RCBTB1: variants seen among roughly 807,000 people sequenced by gnomAD.
RCBTB1 encodes the protein RCC1 and BTB domain containing protein 1.
A neutral mutation model predicts 62.4 loss-of-function variants in RCBTB1; 46 were observed. The ratio of observed to expected loss-of-function variants is 0.74; its 90% CI spans 0.58 to 0.94. The LOEUF (loss-of-function observed/expected upper bound fraction) is 0.94, where lower values mean the gene tolerates loss of function less well. Among genes scored for constraint, RCBTB1 ranks in the 40% least tolerant of loss-of-function variants. The probability of loss-of-function intolerance (pLI) is 0.00; values close to 1 mark genes in which losing one functional copy is unlikely to be tolerated. For missense variants in RCBTB1, 565 were observed against 654.9 expected, an observed-to-expected ratio of 0.86 and a Z score of 1.50; for synonymous variants, 222 against 245.8, an observed-to-expected ratio of 0.90 and a Z score of 0.91.
chr13:49,534,657 CAGAGA>C (rs1045542441), intron 12 of RCBTB1, among the ~76,000 whole-genome samples: 4 of 152,112 alleles, frequency 2.6e-5, no homozygotes, highest in Non-Finnish European at 4.4e-5. Context: ...TTCAAGACAT[CAGAGA>C]AAAGAATTAA....
At chr13:49,567,019 T>C (rs577226561) in intron 3 of RCBTB1, 135 bp downstream of exon 3, 1 of 833,514 alleles carries the variant, frequency 1.2e-6, no homozygotes, top group African/African-American at 1.7e-5. Flanking sequence ...AGAGAAACTA[T>C]CAAAGCCATA....
chr13:49,537,407 A>C (rs1292458520), intron 12 of RCBTB1, among the ~76,000 whole-genome samples: 4 of 152,242 alleles, frequency 2.6e-5, no homozygotes, highest in Non-Finnish European at 4.4e-5. Context: ...TGCTGATCAA[A>C]GACTTTTCAT....
intron 12 of RCBTB1, among the ~76,000 whole-genome samples, chr13:49,536,023 C>CAA (rs1278525748): frequency 6.3e-5 from 5 of 80,000 alleles, no homozygotes; most frequent in East Asian, 6.4e-4. Flanking sequence ...AACTCCATCT[C>CAA]AAAAAAAAAA....
chr13:49,544,587 G>A (rs1594261393), intron 10 of RCBTB1, 150 bp downstream of exon 10: 2 of 557,248 alleles, frequency 3.6e-6, no homozygotes, highest in Non-Finnish European at 6.1e-6. Context: ...AAAACTCTTT[G>A]ACATGAAATG....
chr13:49,582,406 G>C (rs1964156003), intron 1 of RCBTB1, among the ~76,000 whole-genome samples: 1 of 152,216 alleles, frequency 6.6e-6, no homozygotes, highest in East Asian at 1.9e-4. Flanking sequence ...AGAATCGCTT[G>C]AACTCGGGAG....
chr13:49,542,358 G>GT (rs1470170043), intron 10 of RCBTB1, among the ~76,000 whole-genome samples: 1 of 151,934 alleles, frequency 6.6e-6, no homozygotes, highest in Admixed American at 6.6e-5. Context: ...TTCATTTTTT[G>GT]TAACTCCTAT....
chr13:49,549,413 G>GT (rs764538827), intron 9 of RCBTB1, 45 bp downstream of exon 9: 18 of 1,553,936 alleles, frequency 1.2e-5, no homozygotes, highest in Non-Finnish European at 1.5e-5. Context: ...TGGTCAGTTG[G>GT]TAGTACCATT....
At chr13:49,558,241 G>GTA (rs1168882262) in intron 5 of RCBTB1, among the ~76,000 whole-genome samples, 5 of 152,156 alleles carry the variant, frequency 3.3e-5, no homozygotes, top group African/African-American at 1.2e-4. Flanking sequence ...GAGTGTGGGG[G>GTA]TATACATGAG....
intron 4 of RCBTB1, among the ~76,000 whole-genome samples, chr13:49,560,448 C>T (rs1962345314): frequency 6.6e-6 from 1 of 152,160 alleles, no homozygotes; most frequent in African/African-American, 2.4e-5. Flanking sequence ...TTAATGTTTA[C>T]CATTGCTTAA....
At chr13:49,573,068 C>A (rs183838649) in intron 2 of RCBTB1, among the ~76,000 whole-genome samples, 66 of 152,254 alleles carry the variant, frequency 4.3e-4, no homozygotes, top group African/African-American at 1.5e-3. Context: ...AGGAAGCATC[C>A]CAACAGAAGC....
At chr13:49,541,451 T>G (rs1315293795) in intron 11 of RCBTB1, among the ~76,000 whole-genome samples, 1 of 150,482 alleles carries the variant, frequency 6.6e-6, no homozygotes, top group Non-Finnish European at 1.5e-5. Context: ...AAAAAAAAAG[T>G]CCTTCAGTAA....
rs374664515 is a variant in RCBTB1, at chr13:49,562,441, T to A, written c.278-2357A>T. 6.0e-5 allele frequency among the ~76,000 whole-genome samples: 9 copies of A among 149,082 alleles called. No homozygotes were observed. In the East Asian group the frequency reaches 1.2e-3, roughly 20 times the overall value. ...CAGGAGGTTACAGGTGTGAACCACC[T>A]GCTCACACAGTGAGGCTGCAGTGAG... On this transcript the variant is annotated intron_variant, in intron 4 of 12. Coordinates refer to ENST00000378302, the MANE Select transcript of RCBTB1 (RefSeq NM_018191.4).
intron 4 of RCBTB1, among the ~76,000 whole-genome samples, chr13:49,565,814 G>A (rs9591279): frequency 0.088 from 11,133 of 126,232 alleles, 430 homozygotes; most frequent in South Asian, 0.16. Flanking sequence ...CGGTTTCGTC[G>A]AATAGAAAAG....
intron 4 of RCBTB1, 34 bp from the exon 5 acceptor site, chr13:49,560,118 A>C (rs1594305489): frequency 6.2e-7 from 1 of 1,603,312 alleles, no homozygotes; most frequent in Non-Finnish European, 8.5e-7. Flanking sequence ...AATCAGCTCC[A>C]AAAAGAAATA....
At chr13:49,541,153 T>C (rs1163829114) in intron 11 of RCBTB1, 147 bp from the exon 12 acceptor site, 4 of 656,414 alleles carry the variant, frequency 6.1e-6, no homozygotes, top group African/African-American at 5.6e-5. Flanking sequence ...AATTCTCTTT[T>C]TTACTGTCTG....
Position 49,533,978 on chromosome 13 carries a change from T to C in RCBTB1, c.*144A>G, listed in dbSNP as rs1959736398. On this transcript the variant is annotated 3_prime_UTR_variant, in exon 13 of 13. Transcript: ENST00000378302. ...AAGCCGTACACCCTTGTTATGTTCCTACACAAACAACTGTGTCCCAGATGT... is the reference window on the plus strand; with the variant it reads ...AAGCCGTACACCCTTGTTATGTTCCCACACAAACAACTGTGTCCCAGATGT... 2 of 780,228 alleles carry C rather than the reference T, an allele frequency of 2.6e-6. No homozygotes were observed. The highest frequency in any genetic ancestry group is 4.1e-6 in the Non-Finnish European group (2 of 491,144). 48.3% of individuals were successfully genotyped at this position (780,228 alleles called of 1,614,324 possible).
intron 12 of RCBTB1, 86 bp downstream of exon 12, chr13:49,540,790 G>A (rs1031929366): frequency 8.3e-6 from 12 of 1,450,286 alleles, no homozygotes; most frequent in Non-Finnish European, 1.0e-5. Flanking sequence ...GTGACTCATC[G>A]TTTTCCATGC....
chr13:49,571,529 T>A (rs1418146103), intron 2 of RCBTB1, among the ~76,000 whole-genome samples: 1 of 152,152 alleles, frequency 6.6e-6, no homozygotes, highest in Non-Finnish European at 1.5e-5. Context: ...ACAAGGTGCA[T>A]CCTTGGGCTG....
chr13:49,534,377 TGA>T, intron 12 of RCBTB1, 115 bp from the exon 13 acceptor site: 1 of 1,107,328 alleles, frequency 9.0e-7, no homozygotes, highest in Non-Finnish European at 1.3e-6. Context: ...AAAAGATATT[TGA>T]GAGGCCAGAT....
Sources: gnomAD v4.1 joint callset for allele counts (sites outside exome capture counted in the v4.1 genomes callset) on GRCh38, gnomAD v4.1.1 for gene constraint, MANE v1.5 for transcripts, NCBI Gene and HGNC (gene_info 2026-07-23, HGNC 2026-07-21) for gene names.